Variants in ACO1 observed in about 807,000 individuals in gnomAD.
ACO1 encodes the protein cytoplasmic aconitate hydratase.
In ACO1, 78 loss-of-function variants were observed where a neutral mutation model predicts 105.1. The observed-to-expected ratio is 0.74, with a 90% CI of 0.62 to 0.90. The LOEUF (loss-of-function observed/expected upper bound fraction) is 0.90, where lower values mean the gene tolerates loss of function less well. ACO1 is among the 40% of genes least tolerant of loss of function. The probability of loss-of-function intolerance (pLI) is 0.00; values close to 1 mark genes in which losing one functional copy is unlikely to be tolerated. For missense variants in ACO1, 965 were observed against 1,111.1 expected, an observed-to-expected ratio of 0.87 and a Z score of 1.87; for synonymous variants, 364 against 397.4, an observed-to-expected ratio of 0.92 and a Z score of 1.00.
intron 1 of ACO1, among the ~76,000 whole-genome samples, chr9:32,393,311 G>A (rs1335252233): frequency 3.3e-5 from 5 of 152,162 alleles, no homozygotes; most frequent in Non-Finnish European, 7.3e-5. Context: ...GGGGGTGGCT[G>A]TCTTTTACGG....
intron 1 of ACO1, among the ~76,000 whole-genome samples, chr9:32,388,528 CAAAA>C (rs563967613): frequency 7.0e-6 from 1 of 142,652 alleles, no homozygotes; most frequent in Non-Finnish European, 1.5e-5. Flanking sequence ...GACCCTGTCT[CAAAA>C]AAAAAAAATC....
intron 1 of ACO1, among the ~76,000 whole-genome samples, chr9:32,390,400 A>G: frequency 6.6e-6 from 1 of 152,204 alleles, no homozygotes; most frequent in East Asian, 1.9e-4. Flanking sequence ...GCCTTTCTTG[A>G]ATCCCACTTG....
intron 1 of ACO1, among the ~76,000 whole-genome samples, chr9:32,385,645 G>A (rs1258401534): frequency 6.6e-6 from 1 of 152,188 alleles, no homozygotes; most frequent in Non-Finnish European, 1.5e-5. Flanking sequence ...TCTCTTTGAT[G>A]TCAAGCGTAA....
intron 1 of ACO1, among the ~76,000 whole-genome samples, chr9:32,402,789 T>C (rs1207312386): frequency 2.0e-5 from 3 of 152,190 alleles, no homozygotes; most frequent in African/African-American, 4.8e-5. Flanking sequence ...ACCAGGAGAT[T>C]TGAGACAAGA....
intron 4 of ACO1, among the ~76,000 whole-genome samples, chr9:32,412,919 A>T (rs1035091676): frequency 6.6e-6 from 1 of 152,130 alleles, no homozygotes; most frequent in Admixed American, 6.5e-5. Flanking sequence ...ACAGGTAGAG[A>T]CAGAATTGTA....
rs1030655641 is a variant in ACO1 at position 32,453,768 on chromosome 9, A to C, written c.*3657A>C. Reference sequence around the variant, plus strand: ...AGCCACTTTTGAAAAACAGTAGCCAAGGTTCTACTGGCTGCCTTCTTAGGA... The same window carrying C: ...AGCCACTTTTGAAAAACAGTAGCCACGGTTCTACTGGCTGCCTTCTTAGGA... On this transcript the variant is annotated 3_prime_UTR_variant, in exon 21 of 21. Transcript: ENST00000309951. The C allele has an allele frequency of 1.3e-5, 2 of 152,212 alleles. No homozygotes were observed. Among genetic ancestry groups the C allele is most frequent in the African/African-American group, 4.8e-5 (2 of 41,438 alleles). The allele number at this position is 152,212 out of a possible 1,614,324, so 9.4% of individuals were successfully genotyped here.
chr9:32,387,281 G>GT (rs1278261025), intron 1 of ACO1, among the ~76,000 whole-genome samples: 1 of 152,208 alleles, frequency 6.6e-6, no homozygotes, highest in Non-Finnish European at 1.5e-5. Flanking sequence ...GCCATTGATA[G>GT]TAAGTGTCCC....
intron 1 of ACO1, among the ~76,000 whole-genome samples, chr9:32,388,857 C>T (rs1388897849): frequency 6.6e-6 from 1 of 152,180 alleles, no homozygotes; most frequent in Non-Finnish European, 1.5e-5. Context: ...AAAATCCCAA[C>T]AACGTATACT....
intron 1 of ACO1, among the ~76,000 whole-genome samples, chr9:32,388,447 A>G (rs1202440246): frequency 1.3e-5 from 2 of 152,072 alleles, no homozygotes; most frequent in African/African-American, 4.8e-5. Context: ...AGGCAGGAAG[A>G]TCACCTGGGA....
intron 7 of ACO1, among the ~76,000 whole-genome samples, chr9:32,420,086 A>G (rs955679339): frequency 3.8e-5 from 4 of 104,642 alleles, no homozygotes; most frequent in Admixed American, 3.1e-4. Flanking sequence ...ACTTCCTCAC[A>G]AAATTTGGCA....
In ACO1 at chr9:32,439,310, T is replaced by C. The variant is rs1414453600; in HGVS notation, c.2248-1155T>C. On this transcript the variant is annotated intron_variant, in intron 18 of 20. Transcript: ENST00000309951. This position sits in a 1 kb window ranked among gnomAD's most constrained non-coding sequence, Gnocchi z 4.0. ...ACTGTTTCTATGACAGTTTCTATATTTACGAGTTCTGTCTAGCTGAAGACA... is the reference window on the plus strand; with the variant it reads ...ACTGTTTCTATGACAGTTTCTATATCTACGAGTTCTGTCTAGCTGAAGACA... 6.6e-6 allele frequency among the ~76,000 whole-genome samples: 1 copy of C among 152,242 alleles called. No homozygotes were observed. Among genetic ancestry groups the C allele is most frequent in the Non-Finnish European group, 1.5e-5 (1 of 68,044 alleles).
intron 2 of ACO1, among the ~76,000 whole-genome samples, chr9:32,406,888 A>G (rs961226015): frequency 2.0e-5 from 3 of 152,144 alleles, no homozygotes; most frequent in African/African-American, 7.2e-5. Flanking sequence ...GGTTCAAGCA[A>G]TTCTCTTGCC....
rs1251402227 is a variant in ACO1 at position 32,451,769 on chromosome 9, TTACAA to T, written c.*1659_*1663del. On this transcript the variant is annotated 3_prime_UTR_variant, in exon 21 of 21. Transcript: ENST00000309951. ...TATTTATATTCATTTAAAAAATAAA[TTACAA>T]ACAAACAGCCAGGCGCAGTGGCTCA... 1 of 152,078 alleles carries T rather than the reference TTACAA, an allele frequency of 6.6e-6. No individual in the cohort carries two copies. Among genetic ancestry groups the T allele is most frequent in the Non-Finnish European group, 1.5e-5 (1 of 68,026 alleles). The allele number at this position is 152,078 out of a possible 1,614,324, so 9.4% of individuals were successfully genotyped here.
chr9:32,433,652 G>A (rs1822288737), intron 15 of ACO1, 76 bp from the exon 16 acceptor site: 2 of 1,089,810 alleles, frequency 1.8e-6, no homozygotes, highest in Non-Finnish European at 1.3e-6. Flanking sequence ...TAGCTTGAAT[G>A]TATGTTTTGT....
chr9:32,446,475 G>A (rs996524666), intron 19 of ACO1, among the ~76,000 whole-genome samples: 2 of 151,924 alleles, frequency 1.3e-5, no homozygotes, highest in African/African-American at 2.4e-5. Flanking sequence ...TTGAGCCTAT[G>A]TGTGTCTTTG....
At chr9:32,407,202 A>C in intron 2 of ACO1, 59 bp from the exon 3 acceptor site, 1 of 1,539,186 alleles carries the variant, frequency 6.5e-7, no homozygotes, top group East Asian at 2.2e-5. Flanking sequence ...GATTGGCCTT[A>C]AAGAGCGCTC....
intron 18 of ACO1, among the ~76,000 whole-genome samples, chr9:32,437,288 T>C (rs1000312089): frequency 1.3e-5 from 2 of 152,176 alleles, no homozygotes; most frequent in Non-Finnish European, 2.9e-5. Flanking sequence ...ATTACTCCTT[T>C]AGGTCACACA....
In ACO1 at chr9:32,402,422, A is replaced by G. The variant is rs138862106; in HGVS notation, c.-22-3063A>G. ...TCTTTTATTGTTGAATGAAGATCAG[A>G]TAAAACAGAAAAGAGCCAAGAACAA... On this transcript the variant is annotated intron_variant, in intron 1 of 20. Coordinates refer to ENST00000309951, the MANE Select transcript of ACO1 (RefSeq NM_002197.3). Among the ~76,000 whole-genome samples, 1,193 of 152,334 alleles carry G rather than the reference A, an allele frequency of 7.8e-3. 18 individuals are homozygous for G. The highest frequency in any genetic ancestry group is 0.027 in the African/African-American group (1,120 of 41,580).
intron 14 of ACO1, among the ~76,000 whole-genome samples, chr9:32,430,944 A>G (rs536709780): frequency 6.6e-6 from 1 of 152,312 alleles, no homozygotes; most frequent in African/African-American, 2.4e-5. Context: ...GAAATGATAC[A>G]TCATTTCCTT....
Sources: allele counts gnomAD v4.1 joint callset (sites outside exome capture counted in the v4.1 genomes callset), GRCh38; gene constraint gnomAD v4.1.1; non-coding constraint Gnocchi (gnomAD v3.1); transcripts MANE v1.5; gene names NCBI Gene and HGNC (gene_info 2026-07-23, HGNC 2026-07-21).